Variants in NACC1 observed in about 807,000 individuals in gnomAD.
NACC1 encodes nucleus accumbens associated 1.
A neutral mutation model predicts 41.7 loss-of-function variants in NACC1; 6 were observed. The ratio of observed to expected loss-of-function variants is 0.14; its 90% CI spans 0.08 to 0.28. The LOEUF (loss-of-function observed/expected upper bound fraction) is 0.28, where lower values mean the gene tolerates loss of function less well. Ranked by LOEUF, NACC1 falls within the 10% of genes least tolerant of loss-of-function variation. The probability of loss-of-function intolerance (pLI) is 1.00; values close to 1 mark genes in which losing one functional copy is unlikely to be tolerated. For synonymous variants in NACC1, 338 were observed against 330.6 expected, an observed-to-expected ratio of 1.02 and a Z score of -0.24; for missense variants, 434 against 763.7, an observed-to-expected ratio of 0.57 and a Z score of 5.09.
chr19:13,136,457 G>T lies in NACC1; in HGVS notation c.1120+52G>T. The T allele has an allele frequency of 6.4e-7, 1 of 1,560,170 alleles. No homozygotes were observed. Among genetic ancestry groups the T allele is most frequent in the Non-Finnish European group, 8.7e-7 (1 of 1,154,194 alleles). ...CCCCTCCGCAGCTTTGGAGCCGGCTGGCCTGGGCTGGGCTGGGCAGCTGGT... is the reference window on the plus strand; with the variant it reads ...CCCCTCCGCAGCTTTGGAGCCGGCTTGCCTGGGCTGGGCTGGGCAGCTGGT... On this transcript the variant is annotated intron_variant, in intron 3 of 5. Transcript: ENST00000292431. This position sits in a 1 kb window ranked among gnomAD's most constrained non-coding sequence, Gnocchi z 5.5.
At chr19:13,128,556 C>T (rs1345689878) in intron 1 of NACC1, among the ~76,000 whole-genome samples, 1 of 152,194 alleles carries the variant, frequency 6.6e-6, no homozygotes, top group Admixed American at 6.5e-5. Flanking sequence ...GAGCCCAGTC[C>T]CCTGGAGGTG....
intron 1 of NACC1, among the ~76,000 whole-genome samples, chr19:13,119,683 TC>T (rs1235080098): frequency 8.5e-5 from 13 of 152,094 alleles, no homozygotes; most frequent in Non-Finnish European, 1.6e-4. Flanking sequence ...CATGTAAAAC[TC>T]TGTTGATGGT....
In NACC1 at chr19:13,140,233, C is replaced by CA. The variant is rs1281318432; in HGVS notation, c.*1828dup. On this transcript the variant is annotated 3_prime_UTR_variant, in exon 6 of 6. Transcript: ENST00000292431. This position sits in a 1 kb window ranked among gnomAD's most constrained non-coding sequence, Gnocchi z 4.0. Reference sequence around the variant, plus strand: ...GGGATATTGACACCCCCAGCTAAAGCACAAGCACCTTAGTCACCCCTCCTC... The same window carrying CA: ...GGGATATTGACACCCCCAGCTAAAGCAACAAGCACCTTAGTCACCCCTCCTC... The CA allele has an allele frequency of 6.5e-6, 1 of 152,780 alleles. No individual in the cohort carries two copies. Among genetic ancestry groups the CA allele is most frequent in the Non-Finnish European group, 1.5e-5 (1 of 68,184 alleles). The allele number at this position is 152,780 out of a possible 1,614,324, so 9.5% of individuals were successfully genotyped here.
chr19:13,136,132 A>C lies in NACC1; in HGVS notation c.925A>C (p.Met309Leu), dbSNP rs1472231391. The change falls in exon 2 of 6, where the codon ATG becomes CTG. Residue 309 changes from methionine (M) to leucine (L), a missense_variant. This residue lies in a region of NACC1 where 234 missense variants were observed against 308.3 expected (regional missense o/e 0.76). Transcript: ENST00000292431. The surrounding 1 kb of genome is among the most constrained non-coding windows in gnomAD (Gnocchi z 5.5). ...CTGCAACATGTACACCATGTACAGCATGATGAACGTCGGCCAGACAGGTGA... is the reference window on the plus strand; with the variant it reads ...CTGCAACATGTACACCATGTACAGCCTGATGAACGTCGGCCAGACAGGTGA... ...QICNMYTMYSMMNVGQTAEKV... is the reference protein window; with the variant it reads ...QICNMYTMYSLMNVGQTAEKV... 6.2e-7 allele frequency: 1 copy of C among 1,613,196 alleles called. No homozygotes were observed. Among genetic ancestry groups the C allele is most frequent in the Non-Finnish European group, 8.5e-7 (1 of 1,179,500 alleles).
intron 1 of NACC1, among the ~76,000 whole-genome samples, chr19:13,134,005 G>A (rs575922782): frequency 6.6e-6 from 1 of 152,180 alleles, no homozygotes; most frequent in Admixed American, 6.5e-5. Flanking sequence ...CCCTGATGAT[G>A]TTTTCTTCTA....
intron 1 of NACC1, among the ~76,000 whole-genome samples, chr19:13,131,295 T>C (rs562317644): frequency 6.6e-6 from 1 of 152,186 alleles, no homozygotes; most frequent in African/African-American, 2.4e-5. Context: ...TTGGCAGCAC[T>C]GCACACCTGT....
intron 1 of NACC1, among the ~76,000 whole-genome samples, chr19:13,119,564 C>T (rs190535893): frequency 1.3e-5 from 2 of 152,262 alleles, no homozygotes; most frequent in Admixed American, 6.5e-5. Flanking sequence ...TGGATGGGAC[C>T]TCACAGCAAC....
In NACC1 at chr19:13,136,989, C is replaced by T. The variant is rs546596004; in HGVS notation, c.1121-282C>T. On this transcript the variant is annotated intron_variant, in intron 3 of 5. Transcript: ENST00000292431. This position sits in a 1 kb window ranked among gnomAD's most constrained non-coding sequence, Gnocchi z 5.5. ...TGACAGCCAGCGTGCCCACCTCACA[C>T]AGGCTTGCGGCACGACTGGCCACAC... Among the ~76,000 whole-genome samples the T allele has an allele frequency of 6.6e-6, 1 of 152,368 alleles. No individual in the cohort carries two copies. The highest frequency in any genetic ancestry group is 6.5e-5 in the Admixed American group (1 of 15,312).
intron 1 of NACC1, among the ~76,000 whole-genome samples, chr19:13,128,328 G>C (rs1442556958): frequency 6.6e-6 from 1 of 152,200 alleles, no homozygotes; most frequent in Admixed American, 6.5e-5. Context: ...AGTGCTGGGG[G>C]CTGGCAGTCT....
intron 1 of NACC1, among the ~76,000 whole-genome samples, chr19:13,131,061 G>T (rs2019628645): frequency 6.6e-6 from 1 of 151,932 alleles, no homozygotes; most frequent in Non-Finnish European, 1.5e-5. Flanking sequence ...ACCTTTTATG[G>T]TCCCTACCAC....
At chr19:13,125,698 G>T (rs1206113159) in intron 1 of NACC1, among the ~76,000 whole-genome samples, 1 of 152,032 alleles carries the variant, frequency 6.6e-6, no homozygotes, top group African/African-American at 2.4e-5. Context: ...GGGATTACAG[G>T]CGTGAGCCAC....
At chr19:13,117,201 T>G (rs182938755), upstream of NACC1, 4 of 152,230 alleles carry the variant, frequency 2.6e-5, no homozygotes, top group African/African-American at 9.7e-5. Flanking sequence ...TCTAACATTG[T>G]AAGCGCTCGG....
At chr19:13,129,593 G>A (rs1232716684) in intron 1 of NACC1, among the ~76,000 whole-genome samples, 3 of 152,154 alleles carry the variant, frequency 2.0e-5, no homozygotes, top group South Asian at 2.1e-4. Context: ...TCACAGACCC[G>A]TCGCCCCACT....
intron 1 of NACC1, among the ~76,000 whole-genome samples, chr19:13,120,243 T>C (rs1427097514): frequency 6.6e-6 from 1 of 152,104 alleles, no homozygotes; most frequent in African/African-American, 2.4e-5. Context: ...CATGGAACTG[T>C]GGGCTGACCG....
Position 13,137,368 on chromosome 19 carries a change from C to T in NACC1, c.1218C>T (p.Phe406=), listed in dbSNP as rs763308699. 3 of 1,613,578 alleles carry T rather than the reference C, an allele frequency of 1.9e-6. No homozygotes were observed. The highest frequency in any genetic ancestry group is 4.5e-5 in the East Asian group (2 of 44,870). The change falls in exon 4 of 6, where the codon TTC becomes TTT. Residue 406 remains phenylalanine (F), a synonymous_variant. Coordinates refer to ENST00000292431, the MANE Select transcript of NACC1 (RefSeq NM_052876.4). This position sits in a 1 kb window ranked among gnomAD's most constrained non-coding sequence, Gnocchi z 6.1. ...TACTGCGGCGGCTCCTGGCCTCCTT[C>T]TTTGACCGGTAAGGCCCTTGCCAGA... ...KVLLRRLLAS[F]FDRNTLANSC... is the part of the protein sequence containing the mutation.
intron 1 of NACC1, among the ~76,000 whole-genome samples, chr19:13,123,347 C>T (rs1322520311): frequency 6.6e-6 from 1 of 152,130 alleles, no homozygotes; most frequent in Admixed American, 6.5e-5. Flanking sequence ...GCTGCGAGCT[C>T]CATGAGGACG....
chr19:13,118,951 C>T (rs1344222740), intron 1 of NACC1, among the ~76,000 whole-genome samples: 4 of 146,824 alleles, frequency 2.7e-5, no homozygotes. Flanking sequence ...GGCCTGGGGG[C>T]GGCTGAGGAG....
At position 13,127,371 on chromosome 19, in the gene NACC1, C is replaced by CTTTTTTTTTTTTTTTTTTTT. The variant is rs147514422; in HGVS notation, c.-8-7819_-8-7800dup. Among the ~76,000 whole-genome samples, 3 of 28,516 alleles carry CTTTTTTTTTTTTTTTTTTTT rather than the reference C, an allele frequency of 1.1e-4. 1 individual carries two copies. Among genetic ancestry groups the CTTTTTTTTTTTTTTTTTTTT allele is most frequent in the African/African-American group, 3.9e-4 (3 of 7,782 alleles). 18.7% of individuals were successfully genotyped at this position (28,516 alleles called of 152,430 possible). A position where few individuals can be genotyped will look rare whatever the true frequency, so the allele number is the denominator to read the frequency against. Reference sequence around the variant, plus strand: ...AAAAAAAAGCATACATATACATATACTTTTTTTTTTTTTTTTTTTTTTTTT... The same window carrying CTTTTTTTTTTTTTTTTTTTT: ...AAAAAAAAGCATACATATACATATACTTTTTTTTTTTTTTTTTTTTTTTTTTTTTTTTTTTTTTTTTTTTT... On this transcript the variant is annotated intron_variant, in intron 1 of 5. Coordinates refer to ENST00000292431, the MANE Select transcript of NACC1 (RefSeq NM_052876.4).
At chr19:13,117,315 A>G (rs1021978295), upstream of NACC1, among the ~76,000 whole-genome samples, 1 of 152,224 alleles carries the variant, frequency 6.6e-6, no homozygotes, top group Admixed American at 6.5e-5. Context: ...AACTTAAGTT[A>G]CCGCTTTTGC....
Sources: gnomAD v4.1 joint callset for allele counts (sites outside exome capture counted in the v4.1 genomes callset) on GRCh38, gnomAD v4.1.1 for gene constraint, gnomAD v4.1.1 regional missense constraint, Gnocchi (gnomAD v3.1) non-coding constraint, MANE v1.5 for transcripts, NCBI Gene and HGNC (gene_info 2026-07-23, HGNC 2026-07-21) for gene names.